ABCC1: variants seen among roughly 807,000 people sequenced by gnomAD.
ABCC1 encodes the protein ATP binding cassette subfamily C member 1 (ABCC1 blood group).
In ABCC1, 83 loss-of-function variants were observed where a neutral mutation model predicts 172.9. That is an observed-to-expected ratio of 0.48 (90% CI 0.40 to 0.58). The LOEUF (loss-of-function observed/expected upper bound fraction) is 0.58, where lower values mean the gene tolerates loss of function less well. Ranked by LOEUF, ABCC1 falls within the 20% of genes least tolerant of loss-of-function variation. The pLI is 0.00. For synonymous variants in ABCC1, 937 were observed against 825.2 expected (o/e 1.14, Z -2.32); for missense variants, 1,817 against 2,002.7 (o/e 0.91, Z 1.77).
chr16:16,123,691 C>T (rs1183987049), intron 24 of ABCC1, among the ~76,000 whole-genome samples: 1 of 151,912 alleles, frequency 6.6e-6, no homozygotes, highest in African/African-American at 2.4e-5. Context: ...TCTGATGGTA[C>T]ATGATACCAT....
intron 27 of ABCC1, among the ~76,000 whole-genome samples, chr16:16,132,533 T>G (rs1201998027): frequency 2.9e-5 from 4 of 136,090 alleles, no homozygotes; most frequent in African/African-American, 8.3e-5. Flanking sequence ...TTTTTTTTTT[T>G]TTTTTTGAGA....
At position 16,107,517 on chromosome 16, in the gene ABCC1, T is replaced by G. The variant is rs45600834; in HGVS notation, c.2871+644T>G. Among the ~76,000 whole-genome samples, 1,309 of 152,298 alleles carry G rather than the reference T, an allele frequency of 8.6e-3. 15 individuals are homozygous for G. Among genetic ancestry groups the G allele is most frequent in the African/African-American group, 0.029 (1,205 of 41,574 alleles). ...GTTGGCCAGGCTGGTCTTGAACTCC[T>G]GACCTCAGGTGATCCACCCACCTTG... On this transcript the variant is annotated intron_variant, in intron 21 of 30. Coordinates refer to ENST00000399410, the MANE Select transcript of ABCC1 (RefSeq NM_004996.4).
chr16:16,066,621 G>A (rs1353486434), intron 12 of ABCC1, among the ~76,000 whole-genome samples: 1 of 151,984 alleles, frequency 6.6e-6, no homozygotes, highest in African/African-American at 2.4e-5. Context: ...TCTCTGGGCT[G>A]GGCATGGTGG....
intron 21 of ABCC1, among the ~76,000 whole-genome samples, chr16:16,109,619 C>T (rs923009647): frequency 2.6e-5 from 4 of 152,302 alleles, no homozygotes; most frequent in Admixed American, 2.6e-4. Context: ...TGCCCTGTCT[C>T]TCATGTCAGG....
intron 9 of ABCC1, among the ~76,000 whole-genome samples, chr16:16,046,344 CTT>C (rs963805903): frequency 7.3e-5 from 11 of 150,890 alleles, no homozygotes; most frequent in South Asian, 2.1e-4. Context: ...TGTTGTCACT[CTT>C]TTTTTTTCGT....
rs759398016 is a variant in ABCC1, at chr16:16,068,309, G to A, written c.1824+7G>A. On this transcript the variant is annotated splice_region_variant and intron_variant, in intron 13 of 30. Transcript: ENST00000399410. ...CATCAGCAGCATCGTGCAGGTACAG[G>A]GGGAAGCTGGGGCGACTTCCGAGAG... 11 of 1,613,480 alleles carry A rather than the reference G, an allele frequency of 6.8e-6. No homozygotes were observed. Among genetic ancestry groups the A allele is most frequent in the Non-Finnish European group, 1.7e-6 (2 of 1,179,822 alleles).
chr16:16,117,404 G>A (rs1410893439), intron 23 of ABCC1, among the ~76,000 whole-genome samples: 1 of 152,178 alleles, frequency 6.6e-6, no homozygotes, highest in African/African-American at 2.4e-5. Flanking sequence ...TCCCTCCCAT[G>A]ACACATGGGG....
chr16:15,966,258 C>G (rs924126186), intron 1 of ABCC1, among the ~76,000 whole-genome samples: 3 of 149,974 alleles, frequency 2.0e-5, no homozygotes, highest in Admixed American at 6.6e-5. Context: ...ACTAAAAATA[C>G]AAAAATTAGC....
At chr16:16,016,149 GTT>G (rs71137903) in intron 4 of ABCC1, among the ~76,000 whole-genome samples, 30 of 84,288 alleles carry the variant, frequency 3.6e-4, no homozygotes, top group South Asian at 9.8e-4. Flanking sequence ...TGTGATCTTG[GTT>G]TTTTTTTTTT....
At chr16:16,108,680 C>A (rs778493655) in intron 21 of ABCC1, among the ~76,000 whole-genome samples, 1 of 151,378 alleles carries the variant, frequency 6.6e-6, no homozygotes, top group Non-Finnish European at 1.5e-5. Flanking sequence ...ACTGCAGCCT[C>A]CACCTCCCGG....
At chr16:16,130,751 C>T (rs947848444) in intron 26 of ABCC1, among the ~76,000 whole-genome samples, 4 of 152,122 alleles carry the variant, frequency 2.6e-5, no homozygotes, top group Non-Finnish European at 5.9e-5. Context: ...ATTTCCTTGA[C>T]GTTAAAAGAA....
chr16:16,026,179 C>G (rs975969445), intron 5 of ABCC1, among the ~76,000 whole-genome samples: 1 of 152,064 alleles, frequency 6.6e-6, no homozygotes, highest in Non-Finnish European at 1.5e-5. Context: ...TGCCTGTAAT[C>G]CCAGCACTTT....
rs199982113 is a variant in ABCC1 at position 16,107,566 on chromosome 16, AG to A, written c.2871+697del. 7.1e-3 allele frequency among the ~76,000 whole-genome samples: 1,086 copies of A among 152,298 alleles called. 12 individuals are homozygous for A. Among genetic ancestry groups the A allele is most frequent in the African/African-American group, 0.025 (1,038 of 41,556 alleles). On this transcript the variant is annotated intron_variant, in intron 21 of 30. Transcript: ENST00000399410. Reference sequence around the variant, plus strand: ...TGGCCTCCCAAAATGCTGGGATTACAGGGGTGAGCACCGCGTCCTGCCTGTT... The same window carrying A: ...TGGCCTCCCAAAATGCTGGGATTACAGGGTGAGCACCGCGTCCTGCCTGTT...
At chr16:16,119,556 T>G (rs1337148428) in intron 23 of ABCC1, among the ~76,000 whole-genome samples, 2 of 151,712 alleles carry the variant, frequency 1.3e-5, no homozygotes, top group East Asian at 3.9e-4. Flanking sequence ...CCAGGCACGG[T>G]GGTGGGCGCC....
intron 1 of ABCC1, among the ~76,000 whole-genome samples, chr16:15,960,889 C>T (rs892327856): frequency 6.6e-6 from 1 of 152,022 alleles, no homozygotes; most frequent in African/African-American, 2.4e-5. Flanking sequence ...GGCTTGTGGT[C>T]CTGGAATTTC....
intron 1 of ABCC1, among the ~76,000 whole-genome samples, chr16:15,969,633 A>G (rs1482662637): frequency 2.6e-5 from 4 of 151,654 alleles, no homozygotes; most frequent in Admixed American, 1.3e-4. Flanking sequence ...TCTGCCTCCC[A>G]AAGTGCTGAG....
At chr16:16,098,516 G>A (rs1449961445) in intron 19 of ABCC1, among the ~76,000 whole-genome samples, 1 of 152,236 alleles carries the variant, frequency 6.6e-6, no homozygotes, top group East Asian at 1.9e-4. Context: ...CTATTTGGGA[G>A]GCTGAGGCTG....
intron 19 of ABCC1, among the ~76,000 whole-genome samples, chr16:16,099,328 G>C (rs1436773520): frequency 2.6e-5 from 4 of 152,224 alleles, no homozygotes; most frequent in Middle Eastern, 6.3e-3. Flanking sequence ...GGTGATCAGC[G>C]CCTGTTGGGG....
intron 18 of ABCC1, among the ~76,000 whole-genome samples, chr16:16,087,273 G>A (rs758987029): frequency 1.6e-4 from 25 of 152,268 alleles, no homozygotes; most frequent in African/African-American, 2.4e-4. Context: ...GCTTCTTAGC[G>A]GGGAATCCCA....
Sources: allele counts gnomAD v4.1 joint callset (sites outside exome capture counted in the v4.1 genomes callset), GRCh38; gene constraint gnomAD v4.1.1; transcripts MANE v1.5; gene names NCBI Gene and HGNC (gene_info 2026-07-23, HGNC 2026-07-21).